S100Z: variants seen among roughly 807,000 people sequenced by gnomAD.
S100Z encodes S100 calcium binding protein Z.
In S100Z, 11 loss-of-function variants were observed where a neutral mutation model predicts 8.5. The ratio of observed to expected loss-of-function variants is 1.30; its 90% CI spans 0.82 to 2.15. The LOEUF (loss-of-function observed/expected upper bound fraction) is 2.15, where lower values mean the gene tolerates loss of function less well. S100Z is among the 30% of genes most tolerant of loss of function. The probability of loss-of-function intolerance (pLI) is 0.00; values close to 1 mark genes in which losing one functional copy is unlikely to be tolerated. For missense variants in S100Z, 126 were observed against 117.9 expected, an observed-to-expected ratio of 1.07 and a Z score of -0.32; for synonymous variants, 34 against 43.8, an observed-to-expected ratio of 0.78 and a Z score of 0.89.
At chr5:76,913,875 C>T (rs1029747529) in intron 4 of S100Z, among the ~76,000 whole-genome samples, 5 of 148,670 alleles carry the variant, frequency 3.4e-5, no homozygotes, top group African/African-American at 1.3e-4. Flanking sequence ...TGAAATCAGA[C>T]AACACCTTTC....
the S100Z span, among the ~76,000 whole-genome samples, chr5:76,933,741 T>G: frequency 6.6e-6 from 1 of 152,210 alleles, no homozygotes; most frequent in African/African-American, 2.4e-5. Context: ...TGGTGAGATA[T>G]ACATAACAAA....
the S100Z span, among the ~76,000 whole-genome samples, chr5:76,937,783 A>G: frequency 1.9e-4 from 28 of 148,172 alleles, no homozygotes; most frequent in Non-Finnish European, 7.5e-5. Context: ...AGGCAACCTA[A>G]GACCTCTTCC....
At chr5:76,894,099 C>T (rs1743954682) in intron 4 of S100Z, among the ~76,000 whole-genome samples, 1 of 152,144 alleles carries the variant, frequency 6.6e-6, no homozygotes, top group South Asian at 2.1e-4. Flanking sequence ...GACTTTAAGA[C>T]TGGTAAGAAA....
At chr5:76,931,282 A>T in the S100Z span, among the ~76,000 whole-genome samples, 1 of 151,688 alleles carries the variant, frequency 6.6e-6, no homozygotes, top group African/African-American at 2.4e-5. Flanking sequence ...TAATTTTTTA[A>T]AAAACTTTTT....
chr5:76,916,923 C>T (rs778117340), intron 4 of S100Z, among the ~76,000 whole-genome samples: 10 of 151,912 alleles, frequency 6.6e-5, no homozygotes, highest in Admixed American at 4.6e-4. Context: ...GTTAGGAGTT[C>T]GAGACCAGCC....
chr5:76,853,833 G>A (rs957071485), intron 1 of S100Z, among the ~76,000 whole-genome samples: 25 of 152,110 alleles, frequency 1.6e-4, no homozygotes, highest in Non-Finnish European at 3.1e-4. Context: ...CCCCAGGGTT[G>A]GAGTGGGGCT....
chr5:76,952,398 C>G, the S100Z span, among the ~76,000 whole-genome samples: 1 of 152,188 alleles, frequency 6.6e-6, no homozygotes, highest in African/African-American at 2.4e-5. Flanking sequence ...ATCCAGAAGT[C>G]CCCTGACACC....
chr5:76,863,771 C>A (rs983588649), intron 1 of S100Z, among the ~76,000 whole-genome samples: 3 of 152,090 alleles, frequency 2.0e-5, no homozygotes, highest in Admixed American at 6.5e-5. Context: ...ATCTCCTGAC[C>A]TTGTGATCCA....
Position 76,859,424 on chromosome 5 carries a change from C to T in S100Z, c.-176+9269C>T, listed in dbSNP as rs111437123. ...CTTTTGGAGACAGGTAGTATTAAAG[C>T]TCCCAAGAAAAGCAAATAATGCAGG... On this transcript the variant is annotated intron_variant, in intron 1 of 4. Coordinates refer to ENST00000317593, the MANE Select transcript of S100Z (RefSeq NM_130772.4). 4.3e-3 allele frequency among the ~76,000 whole-genome samples: 655 copies of T among 152,232 alleles called. 2 individuals carry two copies. Among genetic ancestry groups the T allele is most frequent in the Admixed American group, 6.7e-3 (103 of 15,294 alleles).
chr5:76,860,674 T>G (rs574123757), intron 1 of S100Z, among the ~76,000 whole-genome samples: 65 of 152,322 alleles, frequency 4.3e-4, no homozygotes, highest in South Asian at 1.4e-3. Flanking sequence ...AAACAATGAT[T>G]TTTGTTTAAA....
chr5:76,944,264 T>C, the S100Z span, among the ~76,000 whole-genome samples: 1 of 152,136 alleles, frequency 6.6e-6, no homozygotes, highest in Non-Finnish European at 1.5e-5. Context: ...TGGTGACGAA[T>C]CCCTAGTTTG....
the S100Z span, among the ~76,000 whole-genome samples, chr5:76,938,680 A>G: frequency 6.6e-6 from 1 of 152,190 alleles, no homozygotes; most frequent in Admixed American, 6.5e-5. Flanking sequence ...GCATTCCCCT[A>G]TGTTTCCTTC....
intron 1 of S100Z, among the ~76,000 whole-genome samples, chr5:76,861,893 C>T (rs1048716907): frequency 1.5e-4 from 23 of 152,142 alleles, no homozygotes; most frequent in Admixed American, 5.9e-4. Context: ...GCTGTCTTCT[C>T]CAGTATCTTA....
chr5:76,902,587 A>G (rs957301915), intron 4 of S100Z, among the ~76,000 whole-genome samples: 3 of 150,664 alleles, frequency 2.0e-5, no homozygotes, highest in African/African-American at 7.3e-5. Context: ...TTCACTGAGT[A>G]CTGTGAGTGC....
At chr5:76,909,646 C>T (rs1291927235) in intron 4 of S100Z, among the ~76,000 whole-genome samples, 2 of 152,152 alleles carry the variant, frequency 1.3e-5, no homozygotes, top group African/African-American at 4.8e-5. Context: ...AAAGAAATCT[C>T]CAAATGATCA....
intron 4 of S100Z, among the ~76,000 whole-genome samples, chr5:76,885,246 C>G (rs1022200351): frequency 3.3e-5 from 5 of 151,852 alleles, no homozygotes; most frequent in Non-Finnish European, 7.4e-5. Context: ...GTGAAGGAGG[C>G]AAGTTTAAAG....
chr5:76,853,631 A>G (rs142920580), intron 1 of S100Z, among the ~76,000 whole-genome samples: 1,667 of 152,032 alleles, frequency 0.011, 18 homozygotes, highest in Middle Eastern at 0.044. Context: ...CCTTGTCTCT[A>G]GTAAAAACAC....
the S100Z span, among the ~76,000 whole-genome samples, chr5:76,932,190 G>T: frequency 6.6e-6 from 1 of 152,030 alleles, no homozygotes. Flanking sequence ...GCTGTTGTTT[G>T]TCTGGTTTTT....
chr5:76,896,756 T>A (rs1744051721), intron 4 of S100Z, among the ~76,000 whole-genome samples: 1 of 152,236 alleles, frequency 6.6e-6, no homozygotes, highest in East Asian at 1.9e-4. Context: ...TAATATCTCA[T>A]TGTAGCTTTG....
Sources: allele counts gnomAD v4.1 joint callset (sites outside exome capture counted in the v4.1 genomes callset), GRCh38; gene constraint gnomAD v4.1.1; transcripts MANE v1.5; gene names NCBI Gene and HGNC (gene_info 2026-07-23, HGNC 2026-07-21).